The following DENND1A variants were observed in gnomAD, a reference collection of about 807,000 sequenced individuals.
DENND1A encodes the protein DENN domain-containing protein 1A.
A neutral mutation model predicts 113.7 loss-of-function variants in DENND1A; 51 were observed. That is an observed-to-expected ratio of 0.45 (90% CI 0.36 to 0.57). The LOEUF is 0.57. Among genes scored for constraint, DENND1A ranks in the 20% least tolerant of loss-of-function variants. DENND1A has a pLI of 0.00. For missense variants in DENND1A, 1,258 were observed against 1,395.9 expected (o/e 0.90, Z 1.57); for synonymous variants, 565 against 570.8 (o/e 0.99, Z 0.14).
chr9:123,383,507 T>A lies in DENND1A; in HGVS notation c.2019+148A>T. The A allele has an allele frequency of 2.3e-6, 3 of 1,303,196 alleles. No individual in the cohort carries two copies. The South Asian group carries it at 4.3e-5, about 19-fold the overall frequency. 80.7% of individuals were successfully genotyped at this position (1,303,196 alleles called of 1,614,324 possible). A position where few individuals can be genotyped will look rare whatever the true frequency, so the allele number is the denominator to read the frequency against. On this transcript the variant is annotated intron_variant, in intron 23 of 23. Transcript: ENST00000394215. ...TGGGCCCCGGCACCCTGGGAGGTGTTTACAGTCACACTGACCCTGAGCATT... is the reference window on the plus strand; with the variant it reads ...TGGGCCCCGGCACCCTGGGAGGTGTATACAGTCACACTGACCCTGAGCATT...
At chr9:123,572,879 T>G (rs1328368506) in intron 12 of DENND1A, among the ~76,000 whole-genome samples, 1 of 152,184 alleles carries the variant, frequency 6.6e-6, no homozygotes, top group East Asian at 1.9e-4. Context: ...CCCCAATTCA[T>G]GAGGATTCCC....
chr9:123,446,247 A>C (rs189236318), intron 18 of DENND1A, among the ~76,000 whole-genome samples: 10 of 152,324 alleles, frequency 6.6e-5, no homozygotes, highest in African/African-American at 2.4e-4. Context: ...AGGCCACCTC[A>C]CAGCACAGCA....
intron 10 of DENND1A, among the ~76,000 whole-genome samples, chr9:123,617,211 CAACAACAGAGGA>C (rs1255005171): frequency 1.3e-5 from 2 of 152,170 alleles, no homozygotes; most frequent in Non-Finnish European, 2.9e-5. Flanking sequence ...GATTTATGAG[CAACAACAGAGGA>C]TGACGATCCA....
At chr9:123,429,459 G>T (rs1041199761) in intron 19 of DENND1A, among the ~76,000 whole-genome samples, 4 of 152,148 alleles carry the variant, frequency 2.6e-5, no homozygotes, top group African/African-American at 9.7e-5. Flanking sequence ...GGAGGCTGAG[G>T]TATGAGAATC....
intron 13 of DENND1A, among the ~76,000 whole-genome samples, chr9:123,550,904 T>C (rs1009147231): frequency 6.6e-6 from 1 of 152,166 alleles, no homozygotes; most frequent in African/African-American, 2.4e-5. Context: ...ATCCCCTTCT[T>C]GCCAAAAAGG....
At chr9:123,773,334 A>G (rs981262106) in intron 3 of DENND1A, among the ~76,000 whole-genome samples, 10 of 152,300 alleles carry the variant, frequency 6.6e-5, no homozygotes, top group African/African-American at 2.4e-4. Context: ...GAAATTCAGA[A>G]ATGAACTCAA....
chr9:123,796,615 A>T (rs1833800337), intron 2 of DENND1A, among the ~76,000 whole-genome samples: 1 of 152,092 alleles, frequency 6.6e-6, no homozygotes, highest in African/African-American at 2.4e-5. Flanking sequence ...GGCTCCAAAA[A>T]CCCTGAGTTC....
intron 13 of DENND1A, among the ~76,000 whole-genome samples, chr9:123,462,334 T>A (rs1037550859): frequency 2.6e-5 from 4 of 152,260 alleles, no homozygotes; most frequent in Non-Finnish European, 4.4e-5. Flanking sequence ...TAAAGACATC[T>A]GCCCAGGTGA....
At chr9:123,574,173 C>CTTTTTT (rs542615815) in intron 12 of DENND1A, among the ~76,000 whole-genome samples, 3 of 110,116 alleles carry the variant, frequency 2.7e-5, no homozygotes, top group Non-Finnish European at 3.8e-5. Context: ...CTGTAGTTGC[C>CTTTTTT]TTTTTTTTTT....
intron 11 of DENND1A, 124 bp downstream of exon 11, chr9:123,609,312 G>C: frequency 2.0e-6 from 2 of 1,021,072 alleles, no homozygotes; most frequent in Middle Eastern, 2.6e-4. Context: ...TGTACGCTGG[G>C]AGGTGCTGCT....
At chr9:123,445,570 G>A (rs1047868778) in intron 18 of DENND1A, among the ~76,000 whole-genome samples, 7 of 152,220 alleles carry the variant, frequency 4.6e-5, no homozygotes, top group Non-Finnish European at 1.0e-4. Context: ...CCAGATGTGG[G>A]ACATAAGAAG....
intron 12 of DENND1A, among the ~76,000 whole-genome samples, chr9:123,560,704 AGG>A (rs1227361282): frequency 1.3e-5 from 2 of 150,820 alleles, no homozygotes; most frequent in African/African-American, 4.9e-5. Context: ...AAAAAAAAAA[AGG>A]AAAAGTAAAA....
At chr9:123,382,768 G>C (rs1564394783) in intron 23 of DENND1A, 143 bp from the exon 24 acceptor site, 3 of 887,636 alleles carry the variant, frequency 3.4e-6, no homozygotes, top group Non-Finnish European at 3.5e-6. Flanking sequence ...GAACAGCTGA[G>C]GGCTCCCCCA....
Position 123,452,228 on chromosome 9 carries a change from C to T in DENND1A, c.1299+48G>A, listed in dbSNP as rs371372653. 1.2e-5 allele frequency: 18 copies of T among 1,522,012 alleles called. No homozygotes were observed. The African/African-American group carries it at 2.1e-4, about 17-fold the overall frequency. 94.3% of individuals were successfully genotyped at this position (1,522,012 alleles called of 1,614,324 possible). ...TAAATAAATAAAGAGTCTCATCATGCTAAGGGACTGATCTGTTTTGGCTCC... is the reference window on the plus strand; with the variant it reads ...TAAATAAATAAAGAGTCTCATCATGTTAAGGGACTGATCTGTTTTGGCTCC... On this transcript the variant is annotated intron_variant, in intron 17 of 23. Transcript: ENST00000394215.
Position 123,866,662 on chromosome 9 carries a change from C to A in DENND1A, c.88+12289G>T, listed in dbSNP as rs150800016. Reference sequence around the variant, plus strand: ...TTTTATGTTTTTAATTTAAGGGTGACGTTAAATTACATCACCACAAGAATG... The same window carrying A: ...TTTTATGTTTTTAATTTAAGGGTGAAGTTAAATTACATCACCACAAGAATG... On this transcript the variant is annotated intron_variant, in intron 2 of 23. Transcript: ENST00000394215. Among the ~76,000 whole-genome samples the A allele has an allele frequency of 6.0e-4, 91 of 152,258 alleles. No individual in the cohort carries two copies. In the Middle Eastern group the frequency reaches 0.01, roughly 17 times the overall value.
At chr9:123,723,523 T>C (rs2067487705) in intron 5 of DENND1A, among the ~76,000 whole-genome samples, 1 of 152,174 alleles carries the variant, frequency 6.6e-6, no homozygotes, top group Non-Finnish European at 1.5e-5. Context: ...AGTTCCCATG[T>C]GTCATGGGAG....
intron 13 of DENND1A, among the ~76,000 whole-genome samples, chr9:123,537,508 C>G (rs2055874842): frequency 6.6e-6 from 1 of 151,032 alleles, no homozygotes; most frequent in Non-Finnish European, 1.5e-5. Flanking sequence ...AAGTAATAAT[C>G]AGAACCAAAG....
chr9:123,463,212 C>T (rs2048674708), intron 13 of DENND1A, among the ~76,000 whole-genome samples: 1 of 152,176 alleles, frequency 6.6e-6, no homozygotes, highest in Admixed American at 6.5e-5. Context: ...CAAGTATGAC[C>T]TGAAGGACAG....
chr9:123,848,424 G>A (rs1308389381), intron 2 of DENND1A, among the ~76,000 whole-genome samples: 1 of 152,054 alleles, frequency 6.6e-6, no homozygotes, highest in South Asian at 2.1e-4. Flanking sequence ...TTGTTTTGGG[G>A]TGCCATAAAC....
Sources: allele counts gnomAD v4.1 joint callset (sites outside exome capture counted in the v4.1 genomes callset), GRCh38; gene constraint gnomAD v4.1.1; transcripts MANE v1.5; gene names NCBI Gene and HGNC (gene_info 2026-07-23, HGNC 2026-07-21).